Variants in PLEKHA7 observed in about 807,000 individuals in gnomAD.
The protein encoded by PLEKHA7 is pleckstrin homology domain-containing family A member 7.
Under a neutral mutation model 170.0 loss-of-function variants are expected in PLEKHA7, and 104 were observed. The ratio of observed to expected loss-of-function variants is 0.61; its 90% CI spans 0.52 to 0.72. The LOEUF (loss-of-function observed/expected upper bound fraction) is 0.72. PLEKHA7 is among the 30% of genes least tolerant of loss of function. The pLI is 0.00. For synonymous variants in PLEKHA7, 648 were observed against 660.8 expected, an observed-to-expected ratio of 0.98 and a Z score of 0.30; for missense variants, 1,615 against 1,671.7, an observed-to-expected ratio of 0.97 and a Z score of 0.59.
chr11:16,979,130 C>A (rs898653892), intron 3 of PLEKHA7, among the ~76,000 whole-genome samples: 1 of 152,178 alleles, frequency 6.6e-6, no homozygotes, highest in African/African-American at 2.4e-5. Context: ...CTCCGCCTCC[C>A]GGGTTCAAGC....
chr11:16,804,899 G>C (rs10160572), intron 13 of PLEKHA7, among the ~76,000 whole-genome samples: 27,884 of 151,846 alleles, frequency 0.18, 2,841 homozygotes, highest in East Asian at 0.3. Flanking sequence ...CGGGGGGGGC[G>C]GTGCAGGGAG....
At chr11:16,853,126 G>C (rs754671189) in intron 6 of PLEKHA7, among the ~76,000 whole-genome samples, 1 of 152,066 alleles carries the variant, frequency 6.6e-6, no homozygotes, top group East Asian at 1.9e-4. Flanking sequence ...CAGGAAGATC[G>C]CCTGTGACCA....
chr11:16,905,899 G>A (rs1393109765), intron 3 of PLEKHA7, among the ~76,000 whole-genome samples: 3 of 152,198 alleles, frequency 2.0e-5, no homozygotes, highest in South Asian at 2.1e-4. Flanking sequence ...GGCTCTAGAA[G>A]GTTAAGTCCA....
rs573053227 is a variant in PLEKHA7 at position 16,852,657 on chromosome 11, TTTTG to T, written c.523-306_523-303del. 2.1e-4 allele frequency among the ~76,000 whole-genome samples: 32 copies of T among 152,308 alleles called. 1 individual carries two copies. The South Asian group carries it at 2.3e-3, about 11-fold the overall frequency. On this transcript the variant is annotated intron_variant, in intron 6 of 26. Coordinates refer to ENST00000531066, the MANE Select transcript of PLEKHA7 (RefSeq NM_001329630.2). ...AAGGAATCAGTTCTTAACAAAAAGT[TTTTG>T]TTTGTTTGTTTCTTATTTAGGTGGC...
intron 3 of PLEKHA7, among the ~76,000 whole-genome samples, chr11:16,883,298 T>C (rs16933661): frequency 0.052 from 7,876 of 152,246 alleles, 660 homozygotes; most frequent in African/African-American, 0.18. Context: ...ATCAGTTATA[T>C]AGAAATAATC....
chr11:16,995,190 G>A (rs1443327510), intron 3 of PLEKHA7, among the ~76,000 whole-genome samples: 2 of 152,188 alleles, frequency 1.3e-5, no homozygotes, highest in African/African-American at 4.8e-5. Context: ...CACACCACAA[G>A]CTAGTCAGTG....
At chr11:16,941,269 T>C (rs1479912545) in intron 3 of PLEKHA7, among the ~76,000 whole-genome samples, 4 of 152,128 alleles carry the variant, frequency 2.6e-5, no homozygotes, top group African/African-American at 9.7e-5. Context: ...TCAGGGCCCA[T>C]CCCTTTATAA....
intron 12 of PLEKHA7, 97 bp downstream of exon 12, chr11:16,816,081 T>A: frequency 9.9e-7 from 1 of 1,013,660 alleles, no homozygotes; most frequent in Non-Finnish European, 1.5e-6. Context: ...AATATGGGGG[T>A]TAATAGCTGC....
intron 3 of PLEKHA7, among the ~76,000 whole-genome samples, chr11:16,894,846 C>T (rs925411401): frequency 1.3e-5 from 2 of 152,134 alleles, no homozygotes; most frequent in Non-Finnish European, 2.9e-5. Context: ...ATAATGATAA[C>T]TTCAGTGAGC....
chr11:16,857,165 G>A (rs900303307), intron 4 of PLEKHA7, among the ~76,000 whole-genome samples: 6 of 152,208 alleles, frequency 3.9e-5, no homozygotes, highest in African/African-American at 1.4e-4. Flanking sequence ...CCCGGAGACA[G>A]AGCCCAATAT....
intron 3 of PLEKHA7, among the ~76,000 whole-genome samples, chr11:17,005,986 A>G (rs555433929): frequency 4.6e-5 from 7 of 152,366 alleles, no homozygotes; most frequent in African/African-American, 1.7e-4. Flanking sequence ...GTAAGCTGCT[A>G]GTTTCCCAGA....
At chr11:16,991,368 T>C (rs1259286646) in intron 3 of PLEKHA7, among the ~76,000 whole-genome samples, 1 of 152,020 alleles carries the variant, frequency 6.6e-6, no homozygotes, top group Non-Finnish European at 1.5e-5. Flanking sequence ...TTCATGGAGA[T>C]GCATTCTAGC....
At position 16,803,285 on chromosome 11, in the gene PLEKHA7, C is replaced by T. The variant is rs182918648; in HGVS notation, c.2018G>A (p.Arg673Gln). The change falls in exon 14 of 27, where the codon CGG becomes CAG. Residue 673 changes from arginine (R) to glutamine (Q), a missense_variant. Arg to Gln is a conservative substitution (Grantham distance 43, BLOSUM62 1). Transcript: ENST00000531066. Reference protein sequence around the residue: ...LEYLDLKMTGRDLLKDRSLKP... With the variant: ...LEYLDLKMTGQDLLKDRSLKP... ...CAGACTTCGATCCTTGAGAAGGTCC[C>T]GGCCTGTCATCTGGGAGGCGAACAA... The T allele has an allele frequency of 4.1e-5, 66 of 1,613,522 alleles. No homozygotes were observed. The highest frequency in any genetic ancestry group is 4.8e-5 in the Non-Finnish European group (57 of 1,179,476).
chr11:16,816,188 T>G lies in PLEKHA7; in HGVS notation c.1943A>C (p.His648Pro), dbSNP rs780323266. ...MTHTVSAPSL[H>P]GKSADDTYLQ... ...TGTCATTCACCCTACCGATTTTCCA[T>G]GTAAACTGGGAGCGCTGACGGTGTG... The change falls in exon 12 of 27, where the codon CAT (histidine) becomes CCT (proline). Residue 648 changes from histidine to proline, a missense_variant. Transcript: ENST00000531066. 1 of 1,612,604 alleles carries G rather than the reference T, an allele frequency of 6.2e-7. No homozygotes were observed. Among genetic ancestry groups the G allele is most frequent in the African/African-American group, 1.3e-5 (1 of 74,870 alleles).
chr11:16,983,261 G>A (rs1863545637), intron 3 of PLEKHA7, among the ~76,000 whole-genome samples: 1 of 152,200 alleles, frequency 6.6e-6, no homozygotes, highest in Admixed American at 6.5e-5. Flanking sequence ...ATTACAGGAG[G>A]GGCTTCCTTG....
At chr11:16,908,389 G>A (rs1858007010) in intron 3 of PLEKHA7, among the ~76,000 whole-genome samples, 1 of 152,082 alleles carries the variant, frequency 6.6e-6, no homozygotes. Flanking sequence ...TGAGGATACA[G>A]TGAGAAGGTG....
chr11:16,997,871 G>GT (rs1275815975), intron 3 of PLEKHA7, among the ~76,000 whole-genome samples: 1 of 152,218 alleles, frequency 6.6e-6, no homozygotes, highest in Non-Finnish European at 1.5e-5. Flanking sequence ...AAGCTCGAGT[G>GT]TCTTCCTGAA....
chr11:16,996,892 T>C (rs1590814584), intron 3 of PLEKHA7, among the ~76,000 whole-genome samples: 2 of 151,836 alleles, frequency 1.3e-5, no homozygotes, highest in African/African-American at 4.8e-5. Context: ...GCCAAGATCG[T>C]GCCACTGCAC....
At chr11:16,856,050 T>C in intron 4 of PLEKHA7, 136 bp from the exon 5 acceptor site, 2 of 705,084 alleles carry the variant, frequency 2.8e-6, no homozygotes, top group Non-Finnish European at 4.9e-6. Flanking sequence ...GCTGCCTGAC[T>C]CCAGACTGCA....
Sources: allele counts gnomAD v4.1 joint callset (sites outside exome capture counted in the v4.1 genomes callset), GRCh38; gene constraint gnomAD v4.1.1; transcripts MANE v1.5; gene names NCBI Gene and HGNC (gene_info 2026-07-23, HGNC 2026-07-21).